Variants in TSEN15 observed in about 807,000 individuals in gnomAD.
TSEN15 encodes the protein tRNA-splicing endonuclease subunit Sen15.
A neutral mutation model predicts 20.5 loss-of-function variants in TSEN15; 10 were observed. The observed-to-expected ratio is 0.49, with a 90% CI of 0.30 to 0.83. TSEN15 has a LOEUF of 0.83. Among genes scored for constraint, TSEN15 ranks in the 40% least tolerant of loss-of-function variants. The pLI is 0.06. For synonymous variants in TSEN15, 72 were observed against 80.1 expected, an observed-to-expected ratio of 0.90 and a Z score of 0.54; for missense variants, 180 against 218.6, an observed-to-expected ratio of 0.82 and a Z score of 1.11.
intron 3 of TSEN15, among the ~76,000 whole-genome samples, chr1:184,079,786 A>C (rs1279899706): frequency 6.6e-6 from 1 of 152,166 alleles, no homozygotes; most frequent in African/African-American, 2.4e-5. Context: ...AATGCAGTCC[A>C]TATAAACTGG....
intron 3 of TSEN15, among the ~76,000 whole-genome samples, chr1:184,059,198 A>G (rs1572704787): frequency 1.3e-5 from 2 of 152,124 alleles, no homozygotes; most frequent in East Asian, 3.9e-4. Context: ...TTTAACAGGG[A>G]TATGTACAAA....
chr1:184,061,986 T>G (rs1486942836), intron 3 of TSEN15, among the ~76,000 whole-genome samples: 1 of 152,188 alleles, frequency 6.6e-6, no homozygotes, highest in Non-Finnish European at 1.5e-5. Context: ...TAAAACACTT[T>G]GTCATATTTT....
intron 3 of TSEN15, chr1:184,095,203 G>A: frequency 2.5e-6 from 1 of 397,530 alleles, no homozygotes. Flanking sequence ...GTCTCCACCT[G>A]CCAGTTTCCT....
At chr1:184,074,529 A>G (rs918211251), downstream of TSEN15, among the ~76,000 whole-genome samples, 34 of 152,160 alleles carry the variant, frequency 2.2e-4, no homozygotes, top group African/African-American at 7.2e-4. Context: ...GGCCTTCTCA[A>G]TATAACTGGT....
chr1:184,068,320 A>T (rs924194666), intron 3 of TSEN15, among the ~76,000 whole-genome samples: 9 of 152,134 alleles, frequency 5.9e-5, no homozygotes, highest in African/African-American at 2.2e-4. Context: ...TTCTGAAAGC[A>T]TAATCCTTAT....
Position 184,080,030 on chromosome 1 carries a change from T to C in TSEN15, c.354-15660T>C, listed in dbSNP as rs112461011. Among the ~76,000 whole-genome samples, 227 of 152,316 alleles carry C rather than the reference T, an allele frequency of 1.5e-3. 1 individual carries two copies. The highest frequency in any genetic ancestry group is 3.4e-3 in the Middle Eastern group (1 of 294). ...CTTATGATAAATAGTTTTCAAACGA[T>C]CATCATATGTGTATTATTTGTCCCA... On this transcript the variant is annotated intron_variant, in intron 3 of 3. Transcript: ENST00000643231.
chr1:184,091,973 G>C lies in TSEN15; in HGVS notation c.354-3717G>C, dbSNP rs150843419. On this transcript the variant is annotated intron_variant, in intron 3 of 3. Coordinates refer to the TSEN15 transcript ENST00000643231. Reference sequence around the variant, plus strand: ...ATATGTTGCATCGACTCAGCAGTTGGATGGTGGGTGGCACAGACACTGATA... The same window carrying C: ...ATATGTTGCATCGACTCAGCAGTTGCATGGTGGGTGGCACAGACACTGATA... Among the ~76,000 whole-genome samples, 343 of 152,318 alleles carry C rather than the reference G, an allele frequency of 2.3e-3. 2 individuals carry two copies. The highest frequency in any genetic ancestry group is 3.4e-3 in the Middle Eastern group (1 of 294).
At chr1:184,051,992 A>T (rs1650069704) in intron 1 of TSEN15, 102 bp downstream of exon 1, 1 of 1,200,136 alleles carries the variant, frequency 8.3e-7, no homozygotes, top group East Asian at 3.1e-5. Flanking sequence ...GAGACTGAGG[A>T]CGCGCGCCAC....
intron 3 of TSEN15, among the ~76,000 whole-genome samples, chr1:184,066,684 G>T (rs1246177985): frequency 6.6e-6 from 1 of 152,158 alleles, no homozygotes; most frequent in Non-Finnish European, 1.5e-5. Context: ...GGGGTTACAG[G>T]TGTGAGCCAC....
intron 3 of TSEN15, among the ~76,000 whole-genome samples, chr1:184,089,529 A>G (rs907217601): frequency 1.3e-5 from 2 of 152,146 alleles, no homozygotes; most frequent in African/African-American, 4.8e-5. Context: ...TTGAGAGACT[A>G]TCGGAGATGG....
intron 1 of TSEN15, among the ~76,000 whole-genome samples, chr1:184,052,665 G>T (rs149740672): frequency 2.0e-5 from 3 of 152,068 alleles, no homozygotes; most frequent in Non-Finnish European, 2.9e-5. Context: ...AAATTTGAAG[G>T]TATAAGTTTG....
intron 3 of TSEN15, among the ~76,000 whole-genome samples, chr1:184,091,469 T>A (rs1050906634): frequency 6.6e-6 from 1 of 152,114 alleles, no homozygotes; most frequent in Non-Finnish European, 1.5e-5. Context: ...ATAATATAGT[T>A]AGTGTATACA....
intron 3 of TSEN15, among the ~76,000 whole-genome samples, chr1:184,062,633 G>T (rs1477962230): frequency 6.6e-6 from 1 of 152,080 alleles, no homozygotes; most frequent in Non-Finnish European, 1.5e-5. Flanking sequence ...TGTAATAGTA[G>T]TAGTACTACA....
Position 184,072,865 on chromosome 1 carries a change from G to T in TSEN15, c.*18G>T, listed in dbSNP as rs755727094. 4 of 1,600,808 alleles carry T rather than the reference G, an allele frequency of 2.5e-6. No homozygotes were observed. The South Asian group carries it at 3.4e-5, about 14-fold the overall frequency. ...GAAGATGACATCCATGTTTCCTGAT[G>T]CTTGTTTTATTCATACAAGATTGGA... On this transcript the variant is annotated 3_prime_UTR_variant, in exon 5 of 5. Transcript: ENST00000645668.
intron 3 of TSEN15, among the ~76,000 whole-genome samples, chr1:184,064,759 T>A (rs915676316): frequency 2.0e-5 from 3 of 152,200 alleles, no homozygotes; most frequent in African/African-American, 7.2e-5. Flanking sequence ...CTGTAATGGA[T>A]ACCAATTACA....
intron 3 of TSEN15, among the ~76,000 whole-genome samples, chr1:184,090,237 T>C (rs752034500): frequency 1.3e-5 from 2 of 152,222 alleles, no homozygotes; most frequent in Non-Finnish European, 2.9e-5. Context: ...TTATGCTATA[T>C]GAATTTATAT....
intron 3 of TSEN15, among the ~76,000 whole-genome samples, chr1:184,085,661 G>A (rs552203070): frequency 7.9e-5 from 12 of 152,294 alleles, no homozygotes; most frequent in Admixed American, 2.6e-4. Context: ...CCAGCCTTGC[G>A]GGCAAAGGGA....
chr1:184,057,710 T>C (rs1457116002), intron 3 of TSEN15, among the ~76,000 whole-genome samples: 1 of 152,224 alleles, frequency 6.6e-6, no homozygotes, highest in Non-Finnish European at 1.5e-5. Context: ...AAACTAAATT[T>C]GCAGATTTCT....
chr1:184,086,591 C>T (rs1651265941), intron 3 of TSEN15, among the ~76,000 whole-genome samples: 1 of 152,172 alleles, frequency 6.6e-6, no homozygotes, highest in Non-Finnish European at 1.5e-5. Flanking sequence ...GCTGGAGGAT[C>T]CACTTCCAAG....
Sources: allele counts gnomAD v4.1 joint callset (sites outside exome capture counted in the v4.1 genomes callset), GRCh38; gene constraint gnomAD v4.1.1; transcripts MANE v1.5; gene names NCBI Gene and HGNC (gene_info 2026-07-23, HGNC 2026-07-21).